The following CCSER1 variants were observed in gnomAD, a reference collection of about 807,000 sequenced individuals.
CCSER1 encodes serine-rich coiled-coil domain-containing protein 1.
Under a neutral mutation model 82.0 loss-of-function variants are expected in CCSER1, and 41 were observed. That is an observed-to-expected ratio of 0.50 (90% confidence interval 0.39 to 0.65). CCSER1 has a LOEUF of 0.65. Ranked by LOEUF, CCSER1 falls within the 30% of genes least tolerant of loss-of-function variation. The pLI, the probability that CCSER1 is intolerant of heterozygous loss-of-function variation, is 0.00. For synonymous variants in CCSER1, 414 were observed against 383.9 expected, an observed-to-expected ratio of 1.08 and a Z score of -0.92; for missense variants, 1,119 against 1,064.2, an observed-to-expected ratio of 1.05 and a Z score of -0.72.
At chr4:91,350,346 A>G (rs565541102) in intron 10 of CCSER1, among the ~76,000 whole-genome samples, 2 of 152,168 alleles carry the variant, frequency 1.3e-5, no homozygotes, top group Non-Finnish European at 2.9e-5. Flanking sequence ...TAAATTGGTT[A>G]TTATACTTAC....
Position 90,942,261 on chromosome 4 carries a change from T to C in CCSER1, c.2172+18814T>C, listed in dbSNP as rs1370932058. Among the ~76,000 whole-genome samples the C allele has an allele frequency of 2.0e-5, 3 of 152,258 alleles. No individual in the cohort carries two copies. In the East Asian group the frequency reaches 5.8e-4, roughly 29 times the overall value. ...AGCCACTACGCCCAGCTGGGAAATA[T>C]CCTGTCTTTTAAATGACATCTTTTG... On this transcript the variant is annotated intron_variant, in intron 9 of 10. Coordinates refer to ENST00000509176, the MANE Select transcript of CCSER1 (RefSeq NM_001145065.2).
chr4:91,100,539 A>C (rs1432703632), intron 10 of CCSER1, among the ~76,000 whole-genome samples: 2 of 152,198 alleles, frequency 1.3e-5, no homozygotes, highest in African/African-American at 4.8e-5. Flanking sequence ...AGGATTTTAC[A>C]TTCCAAATCG....
chr4:90,171,177 T>TAA lies in CCSER1; in HGVS notation c.-42+43355_-42+43356dup, dbSNP rs60550217. 1.4e-3 allele frequency among the ~76,000 whole-genome samples: 204 copies of TAA among 147,686 alleles called. 2 individuals carry two copies. The East Asian group carries it at 0.016, about 12-fold the overall frequency. Reference sequence around the variant, plus strand: ...AAAAAAAGTCTTGTGGGCAGAAATGTAAAAAAAAAATAAAATACAGGAATA... The same window carrying TAA: ...AAAAAAAGTCTTGTGGGCAGAAATGTAAAAAAAAAAAATAAAATACAGGAATA... On this transcript the variant is annotated intron_variant, in intron 1 of 10. Coordinates refer to ENST00000509176, the MANE Select transcript of CCSER1 (RefSeq NM_001145065.2).
Position 91,595,033 on chromosome 4 carries a change from A to G in CCSER1, c.2218-3539A>G, listed in dbSNP as rs1041118701. Among the ~76,000 whole-genome samples the G allele has an allele frequency of 2.0e-5, 3 of 151,764 alleles. No homozygotes were observed. In the East Asian group the frequency reaches 5.8e-4, roughly 29 times the overall value. On this transcript the variant is annotated intron_variant, in intron 10 of 10. Coordinates refer to ENST00000509176, the MANE Select transcript of CCSER1 (RefSeq NM_001145065.2). ...ATAGCTCTCAAGTAAATTTCTCTCC[A>G]ATAATTTCTCTGCTTAAAAAAAAAA...
At chr4:90,930,910 TTATATATATATATATA>T (rs70963098) in intron 9 of CCSER1, among the ~76,000 whole-genome samples, 1 of 109,646 alleles carries the variant, frequency 9.1e-6, no homozygotes, top group African/African-American at 3.1e-5. Flanking sequence ...TATCCTTATT[TTATATATATATATATA>T]TATATATATA....
At chr4:90,683,728 C>G (rs1579904950) in intron 6 of CCSER1, among the ~76,000 whole-genome samples, 1 of 151,590 alleles carries the variant, frequency 6.6e-6, no homozygotes, top group Admixed American at 6.6e-5. Flanking sequence ...AATAGCATAC[C>G]TATTTAAATC....
chr4:90,684,027 C>A (rs910852444), intron 6 of CCSER1, among the ~76,000 whole-genome samples: 2 of 152,116 alleles, frequency 1.3e-5, no homozygotes, highest in Non-Finnish European at 2.9e-5. Context: ...TGTTTGTACT[C>A]TAGAGAATGC....
At chr4:91,058,011 T>G (rs765118103) in intron 9 of CCSER1, among the ~76,000 whole-genome samples, 3 of 152,106 alleles carry the variant, frequency 2.0e-5, no homozygotes, top group Non-Finnish European at 2.9e-5. Context: ...AAAACCCAGA[T>G]TCCTTTTATT....
At chr4:91,597,430 A>G (rs1396881611) in intron 10 of CCSER1, among the ~76,000 whole-genome samples, 1 of 152,114 alleles carries the variant, frequency 6.6e-6, no homozygotes, top group Admixed American at 6.6e-5. Context: ...TTGAGATTAT[A>G]TTTTGTAAAT....
chr4:90,704,244 G>T (rs1451318024), intron 6 of CCSER1, among the ~76,000 whole-genome samples: 1 of 152,072 alleles, frequency 6.6e-6, no homozygotes, highest in East Asian at 1.9e-4. Context: ...GCTTAGTTTG[G>T]CTGGATATGA....
chr4:91,300,765 T>G (rs2149237924), intron 10 of CCSER1, among the ~76,000 whole-genome samples: 1 of 152,046 alleles, frequency 6.6e-6, no homozygotes. Flanking sequence ...GAGAAATGTT[T>G]ATCGCCAAAG....
At chr4:90,413,817 C>T (rs192040672) in intron 4 of CCSER1, among the ~76,000 whole-genome samples, 3,871 of 149,018 alleles carry the variant, frequency 0.026, 67 homozygotes, top group Middle Eastern at 0.056. Context: ...CGCGTAGTGG[C>T]GGGCGCCTGT....
At chr4:90,179,328 G>T (rs1006845101) in intron 1 of CCSER1, among the ~76,000 whole-genome samples, 9 of 152,170 alleles carry the variant, frequency 5.9e-5, no homozygotes, top group Non-Finnish European at 8.8e-5. Context: ...GGAATGGAGA[G>T]TTATCTAACT....
intron 6 of CCSER1, among the ~76,000 whole-genome samples, chr4:90,635,988 A>G (rs1004942618): frequency 6.6e-6 from 1 of 151,894 alleles, no homozygotes; most frequent in Non-Finnish European, 1.5e-5. Flanking sequence ...ACAAAACTCT[A>G]TAAAATTAAA....
chr4:90,590,490 G>T (rs570574528), intron 5 of CCSER1, among the ~76,000 whole-genome samples: 1 of 151,982 alleles, frequency 6.6e-6, no homozygotes, highest in South Asian at 2.1e-4. Flanking sequence ...TGAAGCAGGA[G>T]AATCACTTGA....
At chr4:90,819,672 G>C (rs1312926807) in intron 8 of CCSER1, among the ~76,000 whole-genome samples, 1 of 151,970 alleles carries the variant, frequency 6.6e-6, no homozygotes, top group Non-Finnish European at 1.5e-5. Context: ...ATGTATTTTT[G>C]TATTTTATAG....
chr4:91,040,751 T>C (rs1003815773), intron 9 of CCSER1, among the ~76,000 whole-genome samples: 1 of 152,268 alleles, frequency 6.6e-6, no homozygotes, highest in South Asian at 2.1e-4. Flanking sequence ...GAGAAACAGA[T>C]AATTCACAGA....
chr4:91,447,970 A>C (rs554228339), intron 10 of CCSER1, among the ~76,000 whole-genome samples: 1 of 152,156 alleles, frequency 6.6e-6, no homozygotes, highest in South Asian at 2.1e-4. Context: ...GCATTATTTT[A>C]GATGTTTATG....
At chr4:91,249,006 A>G (rs190853738) in intron 10 of CCSER1, among the ~76,000 whole-genome samples, 62 of 152,250 alleles carry the variant, frequency 4.1e-4, no homozygotes, top group African/African-American at 1.3e-3. Context: ...TTATGATATC[A>G]ATTTTCTCTT....
Sources: gnomAD v4.1 joint callset for allele counts (sites outside exome capture counted in the v4.1 genomes callset) on GRCh38, gnomAD v4.1.1 for gene constraint, MANE v1.5 for transcripts, NCBI Gene and HGNC (gene_info 2026-07-23, HGNC 2026-07-21) for gene names.